The following ADAMTS15 variants were observed in gnomAD, a reference collection of about 807,000 sequenced individuals.
ADAMTS15 encodes ADAM metallopeptidase with thrombospondin type 1 motif 15.
Under a neutral mutation model 79.1 loss-of-function variants are expected in ADAMTS15, and 35 were observed. The ratio of observed to expected loss-of-function variants is 0.44; its 90% CI spans 0.34 to 0.59. ADAMTS15 has a LOEUF of 0.59. Among genes scored for constraint, ADAMTS15 ranks in the 20% least tolerant of loss-of-function variants. ADAMTS15 has a pLI of 0.02. For synonymous variants in ADAMTS15, 616 were observed against 567.3 expected (o/e 1.09, Z -1.22); for missense variants, 1,324 against 1,318.7 (o/e 1.00, Z -0.06).
chr11:130,457,987 A>G (rs10894203), intron 1 of ADAMTS15, among the ~76,000 whole-genome samples: 80,770 of 151,872 alleles, frequency 0.53, 22,713 homozygotes, highest in African/African-American at 0.72. Context: ...TGTTCCTCTC[A>G]TTTGATCCAG....
intron 4 of ADAMTS15, among the ~76,000 whole-genome samples, chr11:130,468,735 A>G (rs540697462): frequency 6.9e-6 from 1 of 144,414 alleles, no homozygotes; most frequent in African/African-American, 2.6e-5. Flanking sequence ...ACTGCAGTCC[A>G]GCCTGGGCGA....
At position 130,475,756 on chromosome 11, in the gene ADAMTS15, G is replaced by C. The variant is rs1295056110; in HGVS notation, c.*1935G>C. ...TGCCAGTGACCACTGTGGGGCTAAA[G>C]GGACAAAAAGGACCAGGGTACCAGG... is the stretch of plus-strand genomic sequence containing the variant. On this transcript the variant is annotated 3_prime_UTR_variant, in exon 8 of 8. Coordinates refer to ENST00000299164, the MANE Select transcript of ADAMTS15 (RefSeq NM_139055.4). 6.6e-6 allele frequency: 1 copy of C among 152,354 alleles called. No individual in the cohort carries two copies. The allele number at this position is 152,354 out of a possible 1,614,324, so 9.4% of individuals were successfully genotyped here.
Position 130,472,607 on chromosome 11 carries a change from GCC to G in ADAMTS15, c.2079-439_2079-438del, listed in dbSNP as rs1938480100. Among the ~76,000 whole-genome samples, 1 of 152,168 alleles carries G rather than the reference GCC, an allele frequency of 6.6e-6. No homozygotes were observed. The highest frequency in any genetic ancestry group is 2.1e-4 in the South Asian group (1 of 4,830). On this transcript the variant is annotated intron_variant, in intron 7 of 7. Coordinates refer to ENST00000299164, the MANE Select transcript of ADAMTS15 (RefSeq NM_139055.4). This position sits in a 1 kb window ranked among gnomAD's most constrained non-coding sequence, Gnocchi z 4.7. ...CTGGATCTGCGTCCCTGCCTCCAGGGCCAGTGTCCTCTCACTGCATTGAGCTC... is the reference window on the plus strand; with the variant it reads ...CTGGATCTGCGTCCCTGCCTCCAGGGAGTGTCCTCTCACTGCATTGAGCTC...
At chr11:130,456,259 C>T (rs1028895223) in intron 1 of ADAMTS15, among the ~76,000 whole-genome samples, 1 of 152,126 alleles carries the variant, frequency 6.6e-6, no homozygotes, top group Admixed American at 6.6e-5. Flanking sequence ...TGTAGGCGCC[C>T]TCTCTCTTGA....
intron 4 of ADAMTS15, 34 bp from the exon 5 acceptor site, chr11:130,469,228 T>A: frequency 7.3e-7 from 1 of 1,364,704 alleles, no homozygotes; most frequent in Non-Finnish European, 9.5e-7. Context: ...GGCACCTGGA[T>A]CCACCAAGGA....
chr11:130,463,042 G>T (rs897286701), intron 4 of ADAMTS15, among the ~76,000 whole-genome samples: 3 of 152,240 alleles, frequency 2.0e-5, no homozygotes, highest in African/African-American at 7.2e-5. Context: ...CCTTCAACAG[G>T]ACGTGGGGTC....
rs1938414318 is a variant in ADAMTS15 at position 130,470,182 on chromosome 11, GTGTGTATATATAT to G, written c.1721-737_1721-725del. Among the ~76,000 whole-genome samples, 34 of 72,744 alleles carry G rather than the reference GTGTGTATATATAT, an allele frequency of 4.7e-4. 4 individuals are homozygous for G. Among genetic ancestry groups the G allele is most frequent in the African/African-American group, 2.4e-3 (32 of 13,098 alleles). 47.7% of individuals were successfully genotyped at this position (72,744 alleles called of 152,430 possible). A position where few individuals can be genotyped will look rare whatever the true frequency, so the allele number is the denominator to read the frequency against. On this transcript the variant is annotated intron_variant, in intron 5 of 7. Coordinates refer to ENST00000299164, the MANE Select transcript of ADAMTS15 (RefSeq NM_139055.4). The stretch of plus-strand genomic sequence containing the variant: ...TATATATATATATATATATATATAT[GTGTGTATATATAT>G]ATATATATATATATGTATATATATA...
At chr11:130,461,205 TACCTCCTAATTTCCTCCCAGAGG>T (rs1938191841) in intron 1 of ADAMTS15, among the ~76,000 whole-genome samples, 1 of 152,182 alleles carries the variant, frequency 6.6e-6, no homozygotes, top group South Asian at 2.1e-4. Context: ...TTTAATTTTG[TACCTCCTAATTTCCTCCCAGAGG>T]ACCTCCCTGC....
chr11:130,457,988 T>A (rs2134722589), intron 1 of ADAMTS15, among the ~76,000 whole-genome samples: 1 of 152,132 alleles, frequency 6.6e-6, no homozygotes, highest in East Asian at 1.9e-4. Context: ...GTTCCTCTCA[T>A]TTGATCCAGG....
In ADAMTS15 at chr11:130,458,414, G is replaced by C. The variant is rs144136930; in HGVS notation, c.958-3075G>C. Among the ~76,000 whole-genome samples the C allele has an allele frequency of 3.5e-3, 529 of 152,304 alleles. 5 individuals are homozygous for C. The highest frequency in any genetic ancestry group is 0.012 in the African/African-American group (490 of 41,558). On this transcript the variant is annotated intron_variant, in intron 1 of 7. Transcript: ENST00000299164. ...GGGGAACAGGACTCTGAATCTCCACGTGGGTGACTTCCACTTTTCTGAGAG... is the reference window on the plus strand; with the variant it reads ...GGGGAACAGGACTCTGAATCTCCACCTGGGTGACTTCCACTTTTCTGAGAG...
rs527977258 is a variant in ADAMTS15 at position 130,475,685 on chromosome 11, G to A, written c.*1864G>A. 6.6e-6 allele frequency: 1 copy of A among 152,640 alleles called. No individual in the cohort carries two copies. The highest frequency in any genetic ancestry group is 2.1e-4 in the South Asian group (1 of 4,838). The allele number at this position is 152,640 out of a possible 1,614,324, so 9.5% of individuals were successfully genotyped here. A position where few individuals can be genotyped will look rare whatever the true frequency, so the allele number is the denominator to read the frequency against. The stretch of plus-strand genomic sequence containing the variant: ...AGAGGGGGTGCCAGTCTCTGAGGCA[G>A]GGCTGCAGTCACCCCTGAAGAACTA... On this transcript the variant is annotated 3_prime_UTR_variant, in exon 8 of 8. Transcript: ENST00000299164.
At position 130,449,809 on chromosome 11, in the gene ADAMTS15, C is replaced by T; in HGVS notation, c.836C>T (p.Pro279Leu). 1 of 1,611,154 alleles carries T rather than the reference C, an allele frequency of 6.2e-7. No homozygotes were observed. The highest frequency in any genetic ancestry group is 8.5e-7 in the Non-Finnish European group (1 of 1,180,022). Residue 279 changes from proline (P) to leucine (L), a missense_variant, in exon 1 of 8, where the codon CCC becomes CTC. Transcript: ENST00000299164. The surrounding 1 kb of genome is among the most constrained non-coding windows in gnomAD (Gnocchi z 7.8). ...CTTCTTAGAGATCGTGACTCCGGGCCCAAGGTCACCGGCAATGCGGCCCTG... is the reference window on the plus strand; with the variant it reads ...CTTCTTAGAGATCGTGACTCCGGGCTCAAGGTCACCGGCAATGCGGCCCTG... ...VLLLRDRDSGPKVTGNAALTL... is the reference protein window; with the variant it reads ...VLLLRDRDSGLKVTGNAALTL...
chr11:130,471,298 T>G lies in ADAMTS15; in HGVS notation c.1993T>G (p.Ser665Ala). The change falls in exon 7 of 8, where the codon TCC (serine) becomes GCC (alanine). Residue 665 changes from serine to alanine, a missense_variant. Transcript: ENST00000299164. The part of the protein sequence containing the change: ...IKAGCDGNLG[S>A]KKRFDKCGVC... ...GGCTGGCTGTGATGGGAACCTGGGC[T>G]CCAAGAAGAGATTCGACAAGTGTGG... is the stretch of plus-strand genomic sequence containing the variant. The G allele has an allele frequency of 1.2e-6, 2 of 1,613,146 alleles. No homozygotes were observed. Among genetic ancestry groups the G allele is most frequent in the Admixed American group, 1.7e-5 (1 of 59,684 alleles).
At chr11:130,453,656 G>T (rs1938014481) in intron 1 of ADAMTS15, among the ~76,000 whole-genome samples, 1 of 152,008 alleles carries the variant, frequency 6.6e-6, no homozygotes, top group Non-Finnish European at 1.5e-5. Flanking sequence ...TGAACTCCTG[G>T]CCTCAAGAGA....
intron 4 of ADAMTS15, among the ~76,000 whole-genome samples, chr11:130,465,240 C>T (rs1938277767): frequency 6.6e-6 from 1 of 152,160 alleles, no homozygotes; most frequent in Non-Finnish European, 1.5e-5. Flanking sequence ...TTCCACCCAC[C>T]TCCCGACCTG....
At chr11:130,470,169 T>TATAC (rs1938410327) in intron 5 of ADAMTS15, among the ~76,000 whole-genome samples, 2 of 61,250 alleles carry the variant, frequency 3.3e-5, no homozygotes, top group African/African-American at 2.0e-4. Flanking sequence ...TATATATATA[T>TATAC]ATATATATAT....
intron 1 of ADAMTS15, among the ~76,000 whole-genome samples, chr11:130,452,069 A>C (rs1937973467): frequency 6.6e-6 from 1 of 152,156 alleles, no homozygotes; most frequent in Non-Finnish European, 1.5e-5. Flanking sequence ...CCTCCTCAGC[A>C]GCTCAGACTT....
At chr11:130,464,545 C>A (rs1938263742) in intron 4 of ADAMTS15, among the ~76,000 whole-genome samples, 1 of 152,200 alleles carries the variant, frequency 6.6e-6, no homozygotes, top group African/African-American at 2.4e-5. Context: ...ATTCCTCAAT[C>A]CCATCTGGGC....
At position 130,461,627 on chromosome 11, in the gene ADAMTS15, G is replaced by A. The variant is rs376418426; in HGVS notation, c.1090+6G>A. On this transcript the variant is annotated splice_donor_region_variant and intron_variant, in intron 2 of 7. Transcript: ENST00000299164. ...CACCACTGCCCACGAGCTGGGTAAG[G>A]CTGGATAAGCTCCTCCTGGGGTCTT... is the stretch of plus-strand genomic sequence containing the variant. The A allele has an allele frequency of 2.5e-6, 4 of 1,613,902 alleles. No homozygotes were observed. In the African/African-American group the frequency reaches 5.3e-5, roughly 22 times the overall value.
Sources: allele counts gnomAD v4.1 joint callset (sites outside exome capture counted in the v4.1 genomes callset), GRCh38; gene constraint gnomAD v4.1.1; non-coding constraint Gnocchi (gnomAD v3.1); transcripts MANE v1.5; gene names NCBI Gene and HGNC (gene_info 2026-07-23, HGNC 2026-07-21).